The following PPARGC1A variants were observed in gnomAD, a reference collection of about 807,000 sequenced individuals.
The protein encoded by PPARGC1A is PPARG coactivator 1 alpha.
In PPARGC1A, 25 loss-of-function variants were observed where a neutral mutation model predicts 88.7. The ratio of observed to expected loss-of-function variants is 0.28; its 90% CI spans 0.21 to 0.39. PPARGC1A has a LOEUF of 0.39. Ranked by LOEUF, PPARGC1A falls within the 10% of genes least tolerant of loss-of-function variation. PPARGC1A has a pLI of 1.00. For synonymous variants in PPARGC1A, 363 were observed against 355.6 expected (o/e 1.02, Z -0.24); for missense variants, 880 against 968.7 (o/e 0.91, Z 1.22).
At chr4:24,349,544 T>G in the PPARGC1A span, among the ~76,000 whole-genome samples, 1 of 152,134 alleles carries the variant, frequency 6.6e-6, no homozygotes, top group Admixed American at 6.5e-5. Flanking sequence ...GGATTATGGC[T>G]GCCTCTGCTG....
At chr4:24,469,691 G>T in the PPARGC1A span, among the ~76,000 whole-genome samples, 3 of 152,138 alleles carry the variant, frequency 2.0e-5, no homozygotes, top group Admixed American at 6.5e-5. Context: ...AGCAACATGA[G>T]TATCCCCTTC....
the PPARGC1A span, among the ~76,000 whole-genome samples, chr4:23,984,549 G>A: frequency 6.6e-6 from 1 of 151,778 alleles, no homozygotes; most frequent in Admixed American, 6.6e-5. Flanking sequence ...TAAAAGAAAA[G>A]GATGCTTTAA....
chr4:23,941,929 C>G, the PPARGC1A span, among the ~76,000 whole-genome samples: 1 of 152,138 alleles, frequency 6.6e-6, no homozygotes, highest in Non-Finnish European at 1.5e-5. Context: ...GATTTGGAGA[C>G]TAAAATATCT....
chr4:24,159,616 A>G, the PPARGC1A span, among the ~76,000 whole-genome samples: 15 of 152,298 alleles, frequency 9.8e-5, no homozygotes, highest in African/African-American at 2.6e-4. Context: ...ACTTTCCTAT[A>G]ATAGTTATTG....
the PPARGC1A span, among the ~76,000 whole-genome samples, chr4:24,407,993 T>G: frequency 1.3e-5 from 2 of 152,152 alleles, no homozygotes; most frequent in Admixed American, 6.6e-5. Context: ...CACTTGAATC[T>G]AAAAATCAAT....
At chr4:24,258,240 T>A in the PPARGC1A span, 1 of 980,470 alleles carries the variant, frequency 1.0e-6, no homozygotes, top group Admixed American at 6.2e-5. Flanking sequence ...ATTTTACCAA[T>A]ATTAGTTCAC....
At chr4:24,435,808 C>G in the PPARGC1A span, among the ~76,000 whole-genome samples, 1 of 152,222 alleles carries the variant, frequency 6.6e-6, no homozygotes, top group Admixed American at 6.5e-5. Context: ...TTGCCCTAAA[C>G]CACACAGCAT....
At chr4:23,899,043 T>C (rs1161930203) in intron 1 of PPARGC1A, among the ~76,000 whole-genome samples, 2 of 145,996 alleles carry the variant, frequency 1.4e-5, no homozygotes, top group African/African-American at 5.2e-5. Flanking sequence ...GGTTTCACCA[T>C]GTTGGTCAGG....
At chr4:23,997,785 C>T in the PPARGC1A span, among the ~76,000 whole-genome samples, 1 of 152,108 alleles carries the variant, frequency 6.6e-6, no homozygotes, top group Non-Finnish European at 1.5e-5. Flanking sequence ...AGCCACCGTG[C>T]CTGGCCAAAA....
the PPARGC1A span, among the ~76,000 whole-genome samples, chr4:23,937,452 G>A: frequency 6.6e-6 from 1 of 151,660 alleles, no homozygotes; most frequent in South Asian, 2.1e-4. Context: ...AACCCCAAAA[G>A]TGCCTATTCC....
chr4:23,859,655 C>T (rs910580165), intron 2 of PPARGC1A, among the ~76,000 whole-genome samples: 4 of 151,782 alleles, frequency 2.6e-5, no homozygotes, highest in Admixed American at 2.6e-4. Context: ...GTGGCGGGCG[C>T]CTGTAATCCC....
At chr4:24,063,733 C>T in the PPARGC1A span, among the ~76,000 whole-genome samples, 5 of 152,118 alleles carry the variant, frequency 3.3e-5, no homozygotes, top group Middle Eastern at 3.2e-3. Flanking sequence ...AGATGCTGTT[C>T]GAGCTTCCCC....
the PPARGC1A span, among the ~76,000 whole-genome samples, chr4:24,089,233 C>T: frequency 4.6e-5 from 7 of 152,152 alleles, no homozygotes; most frequent in African/African-American, 1.2e-4. Context: ...CCACAAAGGC[C>T]TTGCATCTGA....
chr4:23,816,936 T>C (rs953048558), intron 7 of PPARGC1A, among the ~76,000 whole-genome samples: 1 of 152,208 alleles, frequency 6.6e-6, no homozygotes, highest in African/African-American at 2.4e-5. Flanking sequence ...TTTTTCTAGA[T>C]TCTCCTTTAG....
chr4:24,109,834 T>A, the PPARGC1A span, among the ~76,000 whole-genome samples: 3 of 152,158 alleles, frequency 2.0e-5, no homozygotes, highest in African/African-American at 7.2e-5. Context: ...GAAAATGCGT[T>A]CCGTGGTCTA....
chr4:24,292,207 G>A, the PPARGC1A span, among the ~76,000 whole-genome samples: 10 of 152,130 alleles, frequency 6.6e-5, no homozygotes, highest in African/African-American at 2.4e-4. Context: ...GAATCTCCAG[G>A]TACAAAATAG....
At chr4:24,385,561 T>C in the PPARGC1A span, among the ~76,000 whole-genome samples, 1 of 151,982 alleles carries the variant, frequency 6.6e-6, no homozygotes, top group East Asian at 1.9e-4. Context: ...AAAGAGGATA[T>C]CACCACTGAT....
the PPARGC1A span, among the ~76,000 whole-genome samples, chr4:24,396,416 G>T: frequency 6.6e-6 from 1 of 152,202 alleles, no homozygotes; most frequent in East Asian, 1.9e-4. Flanking sequence ...TTGTTGACTC[G>T]TGACCTTTAT....
At chr4:24,195,328 GC>G in the PPARGC1A span, among the ~76,000 whole-genome samples, 11 of 152,186 alleles carry the variant, frequency 7.2e-5, no homozygotes, top group African/African-American at 2.2e-4. Flanking sequence ...AGGTTTGGTG[GC>G]AAAAAGTAAC....
Sources: allele counts gnomAD v4.1 joint callset (sites outside exome capture counted in the v4.1 genomes callset), GRCh38; gene constraint gnomAD v4.1.1; transcripts MANE v1.5; gene names NCBI Gene and HGNC (gene_info 2026-07-23, HGNC 2026-07-21).